The following FIG4 variants were observed in gnomAD, a reference collection of about 807,000 sequenced individuals.
The protein encoded by FIG4 is polyphosphoinositide phosphatase.
In FIG4, 112 loss-of-function variants were observed where a neutral mutation model predicts 118.6. The ratio of observed to expected loss-of-function variants is 0.94; its 90% CI spans 0.81 to 1.11. The LOEUF (loss-of-function observed/expected upper bound fraction) is 1.11, where lower values mean the gene tolerates loss of function less well. Ranked by LOEUF, FIG4 falls within the 50% of genes least tolerant of loss-of-function variation. The pLI, the probability that FIG4 is intolerant of heterozygous loss-of-function variation, is 0.00. For missense variants in FIG4, 969 were observed against 1,111.7 expected (o/e 0.87, Z 1.83); for synonymous variants, 369 against 381.2 (o/e 0.97, Z 0.37).
intron 18 of FIG4, 149 bp downstream of exon 18, chr6:109,786,598 C>G (rs576726998): frequency 1.3e-6 from 1 of 788,468 alleles, no homozygotes; most frequent in East Asian, 2.5e-5. Context: ...TGATGGGGAG[C>G]CCACTACTTC....
Position 109,791,541 on chromosome 6 carries a change from T to G in FIG4, c.2346T>G (p.Thr782=). ...VSQRSTPVKM[T]DAGDSAKVTE... is the part of the protein sequence containing the mutation. ...AGCGCTCCACTCCCGTGAAGATGAC[T>G]GATGCAGGAGACAGTGCCAAAGTGA... The change falls in exon 20 of 23, where the codon ACT becomes ACG. Residue 782 remains threonine, a synonymous_variant. Transcript: ENST00000230124. 3.7e-6 allele frequency: 6 copies of G among 1,613,942 alleles called. No homozygotes were observed. Among genetic ancestry groups the G allele is most frequent in the Non-Finnish European group, 5.1e-6 (6 of 1,180,006 alleles).
In FIG4 at chr6:109,762,081, C is replaced by T. The variant is rs201293291; in HGVS notation, c.1272-10C>T. On this transcript the variant is annotated splice_polypyrimidine_tract_variant and intron_variant, in intron 11 of 22. Transcript: ENST00000230124. ...CTTCTCACTTTTCTCATTCTTCCTT[C>T]TCTCCTCAGCAAGCTGTGTAATGTT... is the stretch of plus-strand genomic sequence containing the variant. 7.6e-5 allele frequency: 117 copies of T among 1,537,528 alleles called. No individual in the cohort carries two copies. The highest frequency in any genetic ancestry group is 1.0e-4 in the Non-Finnish European group (113 of 1,110,386).
chr6:109,707,580 A>G (rs987102343), intron 1 of FIG4, among the ~76,000 whole-genome samples: 3 of 151,842 alleles, frequency 2.0e-5, no homozygotes, highest in Non-Finnish European at 2.9e-5. Context: ...AGTGTTACCT[A>G]TTCTTGAAGG....
intron 22 of FIG4, among the ~76,000 whole-genome samples, chr6:109,822,597 C>T (rs1234079024): frequency 6.6e-6 from 1 of 151,662 alleles, no homozygotes; most frequent in Non-Finnish European, 1.5e-5. Flanking sequence ...TCCAGCTCTA[C>T]CTAGGAAATA....
chr6:109,780,989 A>G (rs1463682428), intron 16 of FIG4, among the ~76,000 whole-genome samples: 2 of 152,226 alleles, frequency 1.3e-5, no homozygotes, highest in African/African-American at 4.8e-5. Flanking sequence ...GGTATTAAGC[A>G]TTAATTATTT....
Position 109,791,562 on chromosome 6 carries a change from A to G in FIG4, c.2367A>G (p.Lys789=). Reference sequence around the variant, plus strand: ...TGACTGATGCAGGAGACAGTGCCAAAGTGACCGAGGTGCGGGGGAGGGAAG... The same window carrying G: ...TGACTGATGCAGGAGACAGTGCCAAGGTGACCGAGGTGCGGGGGAGGGAAG... ...VKMTDAGDSA[K]VTENVVQPMK... Residue 789 remains lysine (K), a synonymous_variant, in exon 20 of 23, where the codon AAA becomes AAG. Coordinates refer to ENST00000230124, the MANE Select transcript of FIG4 (RefSeq NM_014845.6). 1.2e-6 allele frequency: 2 copies of G among 1,613,862 alleles called. No homozygotes were observed. Among genetic ancestry groups the G allele is most frequent in the Non-Finnish European group, 1.7e-6 (2 of 1,179,956 alleles).
chr6:109,710,007 G>A lies in FIG4; in HGVS notation c.67-5071G>A, dbSNP rs111459027. Among the ~76,000 whole-genome samples the A allele has an allele frequency of 5.4e-3, 816 of 152,310 alleles. 9 individuals are homozygous for A. The highest frequency in any genetic ancestry group is 0.018 in the African/African-American group (766 of 41,562). ...ACTTGCAATACTATATTGAATAGGA[G>A]TGTTGAGAGAAGACATTCTTGTCTT... is the stretch of plus-strand genomic sequence containing the variant. On this transcript the variant is annotated intron_variant, in intron 1 of 22. Transcript: ENST00000230124.
At chr6:109,799,438 G>A (rs1361328887) in intron 22 of FIG4, among the ~76,000 whole-genome samples, 3 of 152,136 alleles carry the variant, frequency 2.0e-5, no homozygotes, top group African/African-American at 4.8e-5. Flanking sequence ...TTAAAATGTC[G>A]ACTATTCATT....
intron 17 of FIG4, chr6:109,785,676 C>T: frequency 2.1e-6 from 1 of 470,832 alleles, no homozygotes; most frequent in Non-Finnish European, 4.4e-6. Context: ...TAAAGGGTTC[C>T]TAGCAAGATC....
At chr6:109,716,907 G>A (rs368867075) in intron 3 of FIG4, among the ~76,000 whole-genome samples, 20 of 152,014 alleles carry the variant, frequency 1.3e-4, no homozygotes, top group Admixed American at 2.0e-4. Context: ...TCGTCAGCTG[G>A]AGTAACAAAT....
At chr6:109,780,297 T>C (rs12175652) in intron 16 of FIG4, among the ~76,000 whole-genome samples, 9,381 of 152,260 alleles carry the variant, frequency 0.062, 373 homozygotes, top group Admixed American at 0.092. Context: ...CTGCAGCCTC[T>C]GCCTCCCAGG....
At chr6:109,777,082 A>C (rs1300742677) in intron 16 of FIG4, 22 bp downstream of exon 16, 1 of 1,602,044 alleles carries the variant, frequency 6.2e-7, no homozygotes, top group Non-Finnish European at 8.6e-7. Context: ...CCTAGTCTGT[A>C]ATATAAACTC....
At chr6:109,820,751 A>C (rs987273956) in intron 22 of FIG4, among the ~76,000 whole-genome samples, 3 of 152,174 alleles carry the variant, frequency 2.0e-5, no homozygotes, top group African/African-American at 7.2e-5. Context: ...ACACAAAAAA[A>C]CAGAACAACT....
At chr6:109,700,508 A>G (rs1279295425) in intron 1 of FIG4, among the ~76,000 whole-genome samples, 1 of 152,236 alleles carries the variant, frequency 6.6e-6, no homozygotes, top group Non-Finnish European at 1.5e-5. Context: ...TAGAATGGCA[A>G]AGATTTGCCA....
chr6:109,793,580 T>A (rs1198754712), intron 21 of FIG4, among the ~76,000 whole-genome samples: 4 of 152,196 alleles, frequency 2.6e-5, no homozygotes. Context: ...ATACATGGAT[T>A]TAGAAGACTT....
chr6:109,713,720 C>A (rs887169558), intron 1 of FIG4, among the ~76,000 whole-genome samples: 3 of 151,898 alleles, frequency 2.0e-5, no homozygotes, highest in African/African-American at 7.2e-5. Flanking sequence ...AGTGAGCCTG[C>A]GGGAAGCTGC....
intron 10 of FIG4, among the ~76,000 whole-genome samples, chr6:109,751,728 G>T (rs1038866357): frequency 2.5e-4 from 38 of 150,900 alleles, no homozygotes; most frequent in African/African-American, 8.8e-4. Context: ...ATCTCTGGTG[G>T]TATTTTGTAT....
intron 13 of FIG4, among the ~76,000 whole-genome samples, chr6:109,764,226 CAGG>C (rs1219965801): frequency 6.6e-6 from 1 of 152,022 alleles, no homozygotes; most frequent in Non-Finnish European, 1.5e-5. Flanking sequence ...ATCATGAGAT[CAGG>C]AGATCGAGAC....
intron 22 of FIG4, among the ~76,000 whole-genome samples, chr6:109,804,770 A>G (rs996064181): frequency 6.6e-6 from 1 of 152,160 alleles, no homozygotes; most frequent in Non-Finnish European, 1.5e-5. Context: ...CCTTTCTGCT[A>G]TCCCTCCCAA....
Sources: gnomAD v4.1 joint callset for allele counts (sites outside exome capture counted in the v4.1 genomes callset) on GRCh38, gnomAD v4.1.1 for gene constraint, MANE v1.5 for transcripts, NCBI Gene and HGNC (gene_info 2026-07-23, HGNC 2026-07-21) for gene names.